Variants in ZNF829 observed in about 807,000 individuals in gnomAD.
ZNF829 encodes the protein zinc finger protein 829.
A neutral mutation model predicts 35.2 loss-of-function variants in ZNF829; 25 were observed. That is an observed-to-expected ratio of 0.71 (90% CI 0.52 to 0.99). The LOEUF (loss-of-function observed/expected upper bound fraction) is 0.99, where lower values mean the gene tolerates loss of function less well. ZNF829 is among the 50% of genes least tolerant of loss of function. The pLI is 0.00. For synonymous variants in ZNF829, 136 were observed against 163.2 expected (o/e 0.83, Z 1.27); for missense variants, 417 against 515.3 (o/e 0.81, Z 1.85).
chr19:36,896,971 G>T (rs1212579945), intron 5 of ZNF829, among the ~76,000 whole-genome samples: 1 of 151,984 alleles, frequency 6.6e-6, no homozygotes, highest in African/African-American at 2.4e-5. Flanking sequence ...AAAAATTCCT[G>T]GATACATGAA....
In ZNF829 at chr19:36,915,039, T is replaced by A; in HGVS notation, c.39-17A>T. 1 of 1,614,076 alleles carries A rather than the reference T, an allele frequency of 6.2e-7. No homozygotes were observed. The highest frequency in any genetic ancestry group is 8.5e-7 in the Non-Finnish European group (1 of 1,180,010). On this transcript the variant is annotated splice_polypyrimidine_tract_variant and intron_variant, in intron 2 of 5. Transcript: ENST00000391711. Reference sequence around the variant, plus strand: ...GGGTGACACCTGGAGAAAGGTAAAATTGGGAGAGGGAAGAGTAACTGTGAG... The same window carrying A: ...GGGTGACACCTGGAGAAAGGTAAAAATGGGAGAGGGAAGAGTAACTGTGAG...
At chr19:36,895,024 G>T (rs2073099045) in intron 5 of ZNF829, among the ~76,000 whole-genome samples, 1 of 152,020 alleles carries the variant, frequency 6.6e-6, no homozygotes, top group African/African-American at 2.4e-5. Flanking sequence ...CAAAGACAGA[G>T]AATTCTAAAA....
In ZNF829 at chr19:36,908,129, G is replaced by A. The variant is rs370748710; in HGVS notation, c.224-105C>T. ...GAGAGATGCCACTACAAGAAGGACC[G>A]GAGAAAGATGGAGAAGATGAAGCTT... On this transcript the variant is annotated intron_variant, in intron 4 of 5. Transcript: ENST00000391711. 417 of 1,172,268 alleles carry A rather than the reference G, an allele frequency of 3.6e-4. 2 individuals carry two copies. The highest frequency in any genetic ancestry group is 4.2e-4 in the Non-Finnish European group (352 of 828,334). 72.6% of individuals were successfully genotyped at this position (1,172,268 alleles called of 1,614,324 possible).
chr19:36,898,837 A>C (rs2073136170), intron 5 of ZNF829, among the ~76,000 whole-genome samples: 1 of 152,224 alleles, frequency 6.6e-6, no homozygotes, highest in South Asian at 2.1e-4. Flanking sequence ...ATCTCTCACC[A>C]TATACAAAAA....
chr19:36,916,017 G>T lies in ZNF829; in HGVS notation c.-91C>A. 1 of 1,273,666 alleles carries T rather than the reference G, an allele frequency of 7.9e-7. No individual in the cohort carries two copies. Among genetic ancestry groups the T allele is most frequent in the Non-Finnish European group, 1.1e-6 (1 of 935,612 alleles). 78.9% of individuals were successfully genotyped at this position (1,273,666 alleles called of 1,614,324 possible). On this transcript the variant is annotated 5_prime_UTR_variant, in exon 1 of 6. In the 5' UTR this introduces an upstream ATG that the reference lacks. Coordinates refer to ENST00000391711, the MANE Select transcript of ZNF829 (RefSeq NM_001037232.4). The surrounding 1 kb of genome is among the most constrained non-coding windows in gnomAD (Gnocchi z 5.3). ...GGGGACCAAAATATCTCACCTCCCA[G>T]ATCTAAGGGTCCCGCCAGGAGTGAC...
chr19:36,902,638 C>CT (rs2073178504), intron 5 of ZNF829, among the ~76,000 whole-genome samples: 2 of 122,588 alleles, frequency 1.6e-5, no homozygotes, highest in African/African-American at 6.7e-5. Context: ...GAGCCAGACT[C>CT]TGTCTCAAAA....
chr19:36,915,650 T>A, intron 1 of ZNF829: 2 of 590,706 alleles, frequency 3.4e-6, no homozygotes, highest in South Asian at 4.0e-5. Flanking sequence ...CAGGCTGGAG[T>A]GCAGTGGTGC....
In ZNF829 at chr19:36,908,443, C is replaced by A; in HGVS notation, c.113G>T (p.Arg38Met). ...QAVSKGPVMF[R>M]DVSIDFSQEE... ...TTGAGAGAAGTCTATGGAAACATCC[C>A]TGAACATCACCGGCCCCTGAAACAA... The change falls in exon 4 of 6, where the codon AGG becomes ATG. Residue 38 changes from arginine (R) to methionine (M), a missense_variant. Arg to Met is a moderately conservative substitution (Grantham distance 91, BLOSUM62 -1). Transcript: ENST00000391711. 6.2e-7 allele frequency: 1 copy of A among 1,606,300 alleles called. No individual in the cohort carries two copies.
rs1031233633 is a variant in ZNF829, at chr19:36,914,491, A to G, written c.96+474T>C. ...ATTAATCACGGAAACCCAAATTCAAACCTGTGGGGGTGGGCGGGTATAAGT... is the reference window on the plus strand; with the variant it reads ...ATTAATCACGGAAACCCAAATTCAAGCCTGTGGGGGTGGGCGGGTATAAGT... On this transcript the variant is annotated intron_variant, in intron 3 of 5. Transcript: ENST00000391711. Among the ~76,000 whole-genome samples the G allele has an allele frequency of 2.0e-5, 3 of 152,228 alleles. No individual in the cohort carries two copies. The South Asian group carries it at 6.2e-4, about 32-fold the overall frequency.
At chr19:36,915,322 T>C in intron 1 of ZNF829, 71 bp from the exon 2 acceptor site, 1 of 1,511,316 alleles carries the variant, frequency 6.6e-7, no homozygotes, top group Non-Finnish European at 8.9e-7. Flanking sequence ...GAATGCCACA[T>C]ACATTTAGGG....
intron 5 of ZNF829, among the ~76,000 whole-genome samples, chr19:36,894,389 G>A (rs1039369262): frequency 4.6e-5 from 7 of 151,996 alleles, no homozygotes; most frequent in South Asian, 2.1e-4. Context: ...AAAGAAACAC[G>A]AAAAAGCATG....
intron 3 of ZNF829, 141 bp downstream of exon 3, chr19:36,914,824 T>C: frequency 1.4e-6 from 1 of 725,396 alleles, no homozygotes; most frequent in South Asian, 1.9e-5. Flanking sequence ...TAAATCAGAA[T>C]AAATATTTGA....
Position 36,902,897 on chromosome 19 carries a change from A to G in ZNF829, c.319+5032T>C, listed in dbSNP as rs1013372968. Among the ~76,000 whole-genome samples, 6 of 151,952 alleles carry G rather than the reference A, an allele frequency of 3.9e-5. No individual in the cohort carries two copies. In the East Asian group the frequency reaches 5.9e-4, roughly 15 times the overall value. On this transcript the variant is annotated intron_variant, in intron 5 of 5. Transcript: ENST00000391711. ...CTAAAAATACAAAAATTAGCTGGAC[A>G]TGGTGGCGCACGCCTGTAATCCCAG...
At chr19:36,894,927 A>G (rs1052720627) in intron 5 of ZNF829, among the ~76,000 whole-genome samples, 1 of 152,204 alleles carries the variant, frequency 6.6e-6, no homozygotes, top group Non-Finnish European at 1.5e-5. Context: ...CAATATAGAC[A>G]TCCTGATACA....
At chr19:36,909,992 G>C (rs2073250242) in intron 3 of ZNF829, among the ~76,000 whole-genome samples, 1 of 151,954 alleles carries the variant, frequency 6.6e-6, no homozygotes, top group Non-Finnish European at 1.5e-5. Context: ...AATGCTAAGA[G>C]AAACAGCAAA....
chr19:36,897,071 T>C (rs2073119811), intron 5 of ZNF829, among the ~76,000 whole-genome samples: 1 of 151,930 alleles, frequency 6.6e-6, no homozygotes, highest in East Asian at 1.9e-4. Context: ...TAGTAAAATG[T>C]CTCCCAACAA....
intron 3 of ZNF829, 24 bp from the exon 4 acceptor site, chr19:36,908,483 C>A: frequency 6.4e-7 from 1 of 1,567,964 alleles, no homozygotes; most frequent in Non-Finnish European, 8.6e-7. Context: ...CATGCTTTCA[C>A]AATGAAAGGA....
intron 5 of ZNF829, chr19:36,907,252 ACTAAATACTGTGTGATTGCGT>A (rs1278233757): frequency 1.3e-5 from 2 of 152,086 alleles, no homozygotes; most frequent in Non-Finnish European, 2.9e-5. Context: ...AAGGCAAAAG[ACTAAATACTGTGTGATTGCGT>A]CTATACAAAG....
chr19:36,905,438 T>A (rs889026159), intron 5 of ZNF829: 2 of 152,032 alleles, frequency 1.3e-5, no homozygotes, highest in Non-Finnish European at 2.9e-5. Context: ...TCTAAATTTT[T>A]TTTTTTTTTC....
Sources: allele counts gnomAD v4.1 joint callset (sites outside exome capture counted in the v4.1 genomes callset), GRCh38; gene constraint gnomAD v4.1.1; non-coding constraint Gnocchi (gnomAD v3.1); transcripts MANE v1.5; gene names NCBI Gene and HGNC (gene_info 2026-07-23, HGNC 2026-07-21).